Variants in PPIE observed in about 807,000 individuals in gnomAD.
The protein encoded by PPIE is peptidyl-prolyl cis-trans isomerase E.
A neutral mutation model predicts 38.4 loss-of-function variants in PPIE; 20 were observed. The ratio of observed to expected loss-of-function variants is 0.52; its 90% CI spans 0.37 to 0.76. The LOEUF (loss-of-function observed/expected upper bound fraction) is 0.76, where lower values mean the gene tolerates loss of function less well. PPIE is among the 30% of genes least tolerant of loss of function. PPIE has a pLI of 0.00. For missense variants in PPIE, 322 were observed against 385.8 expected, an observed-to-expected ratio of 0.83 and a Z score of 1.39; for synonymous variants, 142 against 135.7, an observed-to-expected ratio of 1.05 and a Z score of -0.32.
At chr1:39,749,199 G>A in intron 8 of PPIE, 111 bp downstream of exon 8, 1 of 1,171,738 alleles carries the variant, frequency 8.5e-7, no homozygotes, top group Non-Finnish European at 1.2e-6. Context: ...AGAGTCTGGA[G>A]GAGACCCAGC....
chr1:39,762,363 AG>A (rs1052646554), intron 9 of PPIE: 10 of 1,018,800 alleles, frequency 9.8e-6, no homozygotes, highest in Non-Finnish European at 8.3e-6. Flanking sequence ...GAACCTCCTA[AG>A]GGGAAAACAT....
chr1:39,743,334 C>G (rs1428760247), intron 5 of PPIE, 37 bp downstream of exon 5: 1 of 1,591,386 alleles, frequency 6.3e-7, no homozygotes, highest in Non-Finnish European at 8.6e-7. Flanking sequence ...CTGTGATGTT[C>G]TGCAGTTTGG....
intron 3 of PPIE, 75 bp from the exon 4 acceptor site, chr1:39,741,820 C>G: frequency 3.9e-6 from 6 of 1,543,090 alleles, no homozygotes; most frequent in Non-Finnish European, 5.3e-6. Flanking sequence ...ATTTTTGCTA[C>G]TGAGCATGTG....
intron 1 of PPIE, among the ~76,000 whole-genome samples, chr1:39,739,681 A>G (rs1171593781): frequency 1.3e-5 from 2 of 152,150 alleles, no homozygotes; most frequent in East Asian, 3.9e-4. Context: ...CGTTCACTGC[A>G]AGGGAGTCGC....
rs777537349 is a variant in PPIE, at chr1:39,756,276, G to T, written c.*2921G>T. ...CTTTCCCTGGGACTGTGTGGCTCCT[G>T]TCCCAACTGGCCTCCCCATTCCACA... On this transcript the variant is annotated 3_prime_UTR_variant, in exon 10 of 10. Transcript: ENST00000324379. 8.8e-5 allele frequency: 87 copies of T among 985,356 alleles called. No homozygotes were observed. Among genetic ancestry groups the T allele is most frequent in the Non-Finnish European group, 9.5e-5 (79 of 829,946 alleles). The allele number at this position is 985,356 out of a possible 1,614,324, so 61.0% of individuals were successfully genotyped here. A position where few individuals can be genotyped will look rare whatever the true frequency, so the allele number is the denominator to read the frequency against.
At chr1:39,752,791 G>C in intron 8 of PPIE, 119 bp from the exon 9 acceptor site, 4 of 1,218,800 alleles carry the variant, frequency 3.3e-6, no homozygotes, top group Non-Finnish European at 4.6e-6. Context: ...ATTTGCATGT[G>C]ATCTGTGCAT....
Position 39,756,491 on chromosome 1 carries a change from C to T in PPIE, c.*3136C>T, listed in dbSNP as rs950300106. 3 of 985,300 alleles carry T rather than the reference C, an allele frequency of 3.0e-6. No individual in the cohort carries two copies. The African/African-American group carries it at 5.2e-5, about 17-fold the overall frequency. 61.0% of individuals were successfully genotyped at this position (985,300 alleles called of 1,614,324 possible). A position where few individuals can be genotyped will look rare whatever the true frequency, so the allele number is the denominator to read the frequency against. On this transcript the variant is annotated 3_prime_UTR_variant, in exon 10 of 10. Transcript: ENST00000324379. ...GTGGCTGTTGGAGTGTCCTCTCCAA[C>T]AGCATGACAGCCGCCTCCAGGTGCT...
At chr1:39,740,910 A>G (rs1311291140) in intron 2 of PPIE, among the ~76,000 whole-genome samples, 1 of 152,208 alleles carries the variant, frequency 6.6e-6, no homozygotes, top group East Asian at 1.9e-4. Context: ...TTCTATGATA[A>G]ACATTATTGT....
chr1:39,760,333 G>C, downstream of PPIE: 1 of 1,577,272 alleles, frequency 6.3e-7, no homozygotes, highest in Non-Finnish European at 8.6e-7. Context: ...CCCGGCCTGG[G>C]GTCTGGCTGG....
chr1:39,752,152 C>T (rs1224007072), intron 8 of PPIE, among the ~76,000 whole-genome samples: 1 of 152,102 alleles, frequency 6.6e-6, no homozygotes, highest in Non-Finnish European at 1.5e-5. Context: ...ACACCAACCC[C>T]ACTGAGAAGC....
chr1:39,755,446 G>C lies in PPIE; in HGVS notation c.*2091G>C. 1.0e-6 allele frequency: 1 copy of C among 985,406 alleles called. No individual in the cohort carries two copies. Among genetic ancestry groups the C allele is most frequent in the Non-Finnish European group, 1.2e-6 (1 of 829,910 alleles). The allele number at this position is 985,406 out of a possible 1,614,324, so 61.0% of individuals were successfully genotyped here. A position where few individuals can be genotyped will look rare whatever the true frequency, so the allele number is the denominator to read the frequency against. On this transcript the variant is annotated 3_prime_UTR_variant, in exon 10 of 10. Transcript: ENST00000324379. ...TCCATGTAGCTGGGATATACTACAT[G>C]GTTACCCCTCACCCCTATGGAGCTT... is the stretch of plus-strand genomic sequence containing the variant.
chr1:39,757,099 G>A (rs1012981528), downstream of PPIE: 1 of 152,186 alleles, frequency 6.6e-6, no homozygotes, highest in East Asian at 1.9e-4. Flanking sequence ...AAGGCTATAA[G>A]AATACAAGTC....
chr1:39,755,682 T>G lies in PPIE; in HGVS notation c.*2327T>G. On this transcript the variant is annotated 3_prime_UTR_variant, in exon 10 of 10. Transcript: ENST00000324379. ...GACTCCTGTGACAACCTTGTCACTC[T>G]GTTCCTCCCTGATACTCTGGGGAGG... 1 of 985,426 alleles carries G rather than the reference T, an allele frequency of 1.0e-6. No homozygotes were observed. Among genetic ancestry groups the G allele is most frequent in the Non-Finnish European group, 1.2e-6 (1 of 829,932 alleles). The allele number at this position is 985,426 out of a possible 1,614,324, so 61.0% of individuals were successfully genotyped here.
intron 2 of PPIE, among the ~76,000 whole-genome samples, 196 bp downstream of exon 2, chr1:39,740,459 A>G (rs987899015): frequency 3.9e-5 from 6 of 152,240 alleles, no homozygotes; most frequent in Admixed American, 3.3e-4. Context: ...AACTCTGAAT[A>G]CTTTCCAGAG....
chr1:39,739,009 C>A, intron 1 of PPIE, 78 bp downstream of exon 1: 1 of 1,349,750 alleles, frequency 7.4e-7, no homozygotes. Context: ...GGACGCATCT[C>A]TGAACCAGGA....
rs1417686915 is a variant in PPIE at position 39,756,181 on chromosome 1, C to T, written c.*2826C>T. On this transcript the variant is annotated 3_prime_UTR_variant, in exon 10 of 10. Transcript: ENST00000324379. Reference sequence around the variant, plus strand: ...TGCACCTGGCTGCCTCGGGAAAACTCTGACCTCTCTGGGAAGTGGAGCCAG... The same window carrying T: ...TGCACCTGGCTGCCTCGGGAAAACTTTGACCTCTCTGGGAAGTGGAGCCAG... The T allele has an allele frequency of 1.3e-5, 13 of 985,200 alleles. No homozygotes were observed. Among genetic ancestry groups the T allele is most frequent in the Non-Finnish European group, 1.6e-5 (13 of 829,912 alleles). The allele number at this position is 985,200 out of a possible 1,614,324, so 61.0% of individuals were successfully genotyped here.
chr1:39,739,188 C>T (rs1646996488), intron 1 of PPIE: 2 of 404,934 alleles, frequency 4.9e-6, no homozygotes, highest in Non-Finnish European at 8.6e-6. Flanking sequence ...TTCGCTGGGT[C>T]TCCCGAAAAA....
At chr1:39,763,405 C>CCCCAGCCGG (rs1222538711) in intron 9 of PPIE, among the ~76,000 whole-genome samples, 9 of 144,676 alleles carry the variant, frequency 6.2e-5, no homozygotes, top group South Asian at 4.4e-4. Flanking sequence ...AGCCGGCCCT[C>CCCCAGCCGG]CCCTGCCCAC....
rs557018803 is a variant in PPIE at position 39,754,493 on chromosome 1, A to G, written c.*1138A>G. On this transcript the variant is annotated 3_prime_UTR_variant, in exon 10 of 10. Coordinates refer to ENST00000324379, the MANE Select transcript of PPIE (RefSeq NM_006112.4). ...CAGTCTTTTTTCTCTTAAGAATTTC[A>G]ACTGATTGGATGAGGCCTACCCACA... Among the ~76,000 whole-genome samples the G allele has an allele frequency of 3.9e-5, 6 of 152,266 alleles. No homozygotes were observed. Among genetic ancestry groups the G allele is most frequent in the Admixed American group, 1.3e-4 (2 of 15,296 alleles).
Sources: allele counts gnomAD v4.1 joint callset (sites outside exome capture counted in the v4.1 genomes callset), GRCh38; gene constraint gnomAD v4.1.1; transcripts MANE v1.5; gene names NCBI Gene and HGNC (gene_info 2026-07-23, HGNC 2026-07-21).